The following TBC1D5 variants were observed in gnomAD, a reference collection of about 807,000 sequenced individuals.
TBC1D5 encodes TBC1 domain family, member 5.
TBC1D5 carries 75 observed loss-of-function variants against 100.3 expected under a neutral mutation model. The ratio of observed to expected loss-of-function variants is 0.75; its 90% CI spans 0.62 to 0.91. The LOEUF (loss-of-function observed/expected upper bound fraction) is 0.91. TBC1D5 is among the 40% of genes least tolerant of loss of function. The pLI is 0.00. For synonymous variants in TBC1D5, 323 were observed against 325.6 expected (o/e 0.99, Z 0.09); for missense variants, 910 against 942.4 (o/e 0.97, Z 0.45).
chr3:17,233,209 T>C (rs1017142749), intron 17 of TBC1D5, among the ~76,000 whole-genome samples: 3 of 152,204 alleles, frequency 2.0e-5, no homozygotes, highest in East Asian at 3.8e-4. Flanking sequence ...GTTAACATAA[T>C]GCGTAATTCA....
intron 3 of TBC1D5, among the ~76,000 whole-genome samples, chr3:17,495,441 C>T (rs933443532): frequency 6.6e-5 from 10 of 152,190 alleles, no homozygotes; most frequent in Non-Finnish European, 8.8e-5. Context: ...TTGCTTTTAT[C>T]TCCTTTTCAC....
At chr3:17,554,323 G>A (rs529557832) in intron 2 of TBC1D5, among the ~76,000 whole-genome samples, 4 of 152,216 alleles carry the variant, frequency 2.6e-5, no homozygotes, top group East Asian at 3.9e-4. Context: ...AAATTATAAC[G>A]CAACTCACAG....
intron 8 of TBC1D5, among the ~76,000 whole-genome samples, chr3:17,399,629 A>T (rs966487864): frequency 1.3e-5 from 2 of 152,084 alleles, no homozygotes; most frequent in African/African-American, 4.8e-5. Context: ...AGCCATAATT[A>T]TCTTTGTAGG....
intron 1 of TBC1D5, among the ~76,000 whole-genome samples, chr3:17,675,407 G>A (rs977725813): frequency 7.2e-5 from 11 of 151,958 alleles, no homozygotes; most frequent in Non-Finnish European, 1.0e-4. Context: ...ATACAGTTTC[G>A]AGATATTTCC....
At chr3:17,475,301 A>C (rs2095425651) in intron 3 of TBC1D5, among the ~76,000 whole-genome samples, 1 of 152,050 alleles carries the variant, frequency 6.6e-6, no homozygotes. Flanking sequence ...TCCACAAGAC[A>C]AAAAGTCTAA....
At chr3:17,520,915 G>A (rs1003655438) in intron 2 of TBC1D5, among the ~76,000 whole-genome samples, 2 of 152,096 alleles carry the variant, frequency 1.3e-5, no homozygotes, top group African/African-American at 4.8e-5. Flanking sequence ...GACCCCAAAA[G>A]AACTCATCCA....
intron 15 of TBC1D5, among the ~76,000 whole-genome samples, chr3:17,279,853 T>G (rs1385319058): frequency 6.6e-6 from 1 of 152,226 alleles, no homozygotes; most frequent in Non-Finnish European, 1.5e-5. Flanking sequence ...ACACCACGGT[T>G]TAAGATCCAA....
rs143689409 is a variant in TBC1D5 at position 17,303,061 on chromosome 3, T to C, written c.1138+4931A>G. 3.3e-5 allele frequency among the ~76,000 whole-genome samples: 5 copies of C among 152,326 alleles called. No homozygotes were observed. In the East Asian group the frequency reaches 9.6e-4, roughly 29 times the overall value. Reference sequence around the variant, plus strand: ...AAATATAAGCTCATCTAATTAGTCCTGACCTCCCATGCAACTCTGTCCAAT... The same window carrying C: ...AAATATAAGCTCATCTAATTAGTCCCGACCTCCCATGCAACTCTGTCCAAT... On this transcript the variant is annotated intron_variant, in intron 14 of 21. Transcript: ENST00000253692.
At chr3:17,218,772 G>C (rs934749828) in intron 17 of TBC1D5, among the ~76,000 whole-genome samples, 4 of 151,978 alleles carry the variant, frequency 2.6e-5, no homozygotes, top group Admixed American at 1.3e-4. Flanking sequence ...GAAGTCAGCT[G>C]TCAATCTTAC....
At chr3:17,451,899 G>T (rs571799167) in intron 3 of TBC1D5, among the ~76,000 whole-genome samples, 75 of 151,868 alleles carry the variant, frequency 4.9e-4, no homozygotes, top group Middle Eastern at 3.4e-3. Flanking sequence ...CTCCAGCCTG[G>T]GCAACAAAGC....
At chr3:17,162,667 G>GTGA (rs2066185855) in intron 21 of TBC1D5, among the ~76,000 whole-genome samples, 1 of 152,226 alleles carries the variant, frequency 6.6e-6, no homozygotes, top group African/African-American at 2.4e-5. Context: ...AGCAGGGGAT[G>GTGA]TGATCACAAA....
At chr3:17,200,519 G>C (rs1270058202) in intron 18 of TBC1D5, among the ~76,000 whole-genome samples, 1 of 152,258 alleles carries the variant, frequency 6.6e-6, no homozygotes, top group Non-Finnish European at 1.5e-5. Flanking sequence ...ATCTGAGGTG[G>C]AACAGGGAAC....
At chr3:17,446,869 G>A (rs1276436353) in intron 3 of TBC1D5, among the ~76,000 whole-genome samples, 6 of 151,976 alleles carry the variant, frequency 3.9e-5, no homozygotes, top group African/African-American at 1.5e-4. Context: ...TACTTGGGAG[G>A]TTGAGGCAGG....
At chr3:17,681,563 G>A (rs529319899) in intron 1 of TBC1D5, among the ~76,000 whole-genome samples, 30 of 151,580 alleles carry the variant, frequency 2.0e-4, no homozygotes, top group Admixed American at 7.2e-4. Context: ...AGTTGTTTTC[G>A]GAAATGTTTT....
At chr3:17,341,715 G>T (rs1462995413) in intron 13 of TBC1D5, among the ~76,000 whole-genome samples, 2 of 152,136 alleles carry the variant, frequency 1.3e-5, no homozygotes, top group African/African-American at 4.8e-5. Flanking sequence ...TTTAAATGAT[G>T]AGAAGTAGCT....
chr3:17,285,386 G>A (rs1487009337), intron 15 of TBC1D5, among the ~76,000 whole-genome samples: 2 of 147,200 alleles, frequency 1.4e-5, no homozygotes, highest in South Asian at 2.2e-4. Flanking sequence ...TCAGCCTCCC[G>A]AGTAGCTGGG....
intron 18 of TBC1D5, among the ~76,000 whole-genome samples, chr3:17,193,190 G>A (rs991384000): frequency 1.3e-5 from 2 of 152,218 alleles, no homozygotes; most frequent in African/African-American, 4.8e-5. Context: ...CTCGCTGATT[G>A]TGCTGCTTCA....
At chr3:17,461,470 A>T (rs1216025639) in intron 3 of TBC1D5, among the ~76,000 whole-genome samples, 1 of 152,194 alleles carries the variant, frequency 6.6e-6, no homozygotes, top group African/African-American at 2.4e-5. Flanking sequence ...TTCATTTGCA[A>T]AGCCATCACT....
chr3:17,167,922 T>C lies in TBC1D5; in HGVS notation c.1853-94A>G, dbSNP rs530983225. The C allele has an allele frequency of 3.8e-5, 34 of 890,970 alleles. No individual in the cohort carries two copies. The African/African-American group carries it at 4.6e-4, about 12-fold the overall frequency. 55.2% of individuals were successfully genotyped at this position (890,970 alleles called of 1,614,324 possible). A position where few individuals can be genotyped will look rare whatever the true frequency, so the allele number is the denominator to read the frequency against. On this transcript the variant is annotated intron_variant, in intron 19 of 21. Transcript: ENST00000253692. ...CTTCAGACGGGCTTGGGAAGTTTTC[T>C]GCCAAATCTCACAGCAACTACTCCC...
Sources: gnomAD v4.1 joint callset for allele counts (sites outside exome capture counted in the v4.1 genomes callset) on GRCh38, gnomAD v4.1.1 for gene constraint, MANE v1.5 for transcripts, NCBI Gene and HGNC (gene_info 2026-07-23, HGNC 2026-07-21) for gene names.